Variants in RTL4 observed in about 807,000 individuals in gnomAD.
RTL4 encodes the protein retrotransposon Gag-like protein 4.
In RTL4, 4 loss-of-function variants were observed where a neutral mutation model predicts 5.3. The observed-to-expected ratio is 0.75, with a 90% CI of 0.37 to 1.72. The LOEUF is 1.72. RTL4 is among the 40% of genes most tolerant of loss of function. The probability of loss-of-function intolerance (pLI) is 0.04; values close to 1 mark genes in which losing one functional copy is unlikely to be tolerated. For missense variants in RTL4, 260 were observed against 227.1 expected, an observed-to-expected ratio of 1.14 and a Z score of -0.93; for synonymous variants, 98 against 87.3, an observed-to-expected ratio of 1.12 and a Z score of -0.68.
chrX:112,365,213 A>G, the RTL4 span, among the ~76,000 whole-genome samples: 8 of 111,454 alleles, frequency 7.2e-5, no homozygotes, highest in South Asian at 1.5e-3. Flanking sequence ...AACAGCATGT[A>G]CAAAAGTCCA....
the RTL4 span, among the ~76,000 whole-genome samples, chrX:112,420,200 G>C: frequency 1.8e-5 from 2 of 111,576 alleles, no homozygotes; most frequent in African/African-American, 6.5e-5. Context: ...CAGTGAAACA[G>C]TTAGTAGGTT....
At chrX:112,387,672 T>C in the RTL4 span, among the ~76,000 whole-genome samples, 2 of 111,627 alleles carry the variant, frequency 1.8e-5, no homozygotes, top group Admixed American at 9.5e-5. Flanking sequence ...GAATAAGGAG[T>C]CTTTTCCCCA....
the RTL4 span, among the ~76,000 whole-genome samples, chrX:112,415,148 C>T: frequency 9.0e-6 from 1 of 111,421 alleles, no homozygotes; most frequent in African/African-American, 3.2e-5. Flanking sequence ...AAAATGAACA[C>T]ACTCATATAA....
At chrX:112,160,298 C>T in the RTL4 span, among the ~76,000 whole-genome samples, 3 of 111,760 alleles carry the variant, frequency 2.7e-5, no homozygotes, top group African/African-American at 9.8e-5. Flanking sequence ...GAGGTTTGAG[C>T]CTTCAAGGAA....
At chrX:112,356,453 A>G in the RTL4 span, among the ~76,000 whole-genome samples, 1 of 111,422 alleles carries the variant, frequency 9.0e-6, no homozygotes, top group Non-Finnish European at 1.9e-5. Flanking sequence ...AATCACAAAA[A>G]ACGATTGTAA....
chrX:112,272,139 C>G, the RTL4 span, among the ~76,000 whole-genome samples: 1 of 111,679 alleles, frequency 9.0e-6, no homozygotes, highest in Non-Finnish European at 1.9e-5. Flanking sequence ...ATTTATCCTG[C>G]GTGCATAACT....
upstream of RTL4, among the ~76,000 whole-genome samples, chrX:112,453,750 G>A (rs1481660423): frequency 8.9e-6 from 1 of 112,170 alleles, no homozygotes; most frequent in Admixed American, 9.5e-5. Flanking sequence ...TCTTATTAAA[G>A]TGTGAAAAAT....
chrX:112,438,977 GTAAGCTTTAAAATAA>G, the RTL4 span, among the ~76,000 whole-genome samples: 1 of 111,835 alleles, frequency 8.9e-6, no homozygotes, highest in Non-Finnish European at 1.9e-5. Flanking sequence ...GTCGAAGCTA[GTAAGCTTTAAAATAA>G]TAAACTCTGG....
the RTL4 span, among the ~76,000 whole-genome samples, chrX:112,112,362 G>T: frequency 9.0e-5 from 10 of 111,731 alleles, no homozygotes; most frequent in African/African-American, 3.3e-4. Context: ...TGCCCTCTGG[G>T]TCTCCTTGAT....
At chrX:112,419,039 T>G in the RTL4 span, among the ~76,000 whole-genome samples, 33 of 101,185 alleles carry the variant, frequency 3.3e-4, no homozygotes, top group African/African-American at 1.2e-3. Context: ...AAGATATATA[T>G]ATATATATAT....
the RTL4 span, among the ~76,000 whole-genome samples, chrX:112,421,486 T>C: frequency 1.8e-5 from 2 of 112,077 alleles, no homozygotes; most frequent in Non-Finnish European, 3.8e-5. Context: ...AGAAAACTGT[T>C]CTGGTTCTTT....
At chrX:112,271,116 G>C in the RTL4 span, among the ~76,000 whole-genome samples, 1 of 108,547 alleles carries the variant, frequency 9.2e-6, no homozygotes, top group Non-Finnish European at 1.9e-5. Flanking sequence ...GGGTTTGCAG[G>C]AAAGAGATAA....
chrX:112,247,142 C>A, the RTL4 span, among the ~76,000 whole-genome samples: 4 of 111,698 alleles, frequency 3.6e-5, no homozygotes, highest in African/African-American at 1.3e-4. Flanking sequence ...AAACAAGAAA[C>A]AGTACAAGCA....
At chrX:112,388,627 A>G in the RTL4 span, among the ~76,000 whole-genome samples, 1 of 111,989 alleles carries the variant, frequency 8.9e-6, no homozygotes, top group South Asian at 3.7e-4. Context: ...ATGAAGGGTC[A>G]TTGAATTCTA....
chrX:112,257,873 G>GTATATA, the RTL4 span, among the ~76,000 whole-genome samples: 32 of 102,547 alleles, frequency 3.1e-4, no homozygotes, highest in African/African-American at 1.2e-3. Context: ...TCAAAACTGT[G>GTATATA]TATATATATA....
chrX:112,185,890 A>G, the RTL4 span, among the ~76,000 whole-genome samples: 1 of 111,003 alleles, frequency 9.0e-6, no homozygotes, highest in South Asian at 3.8e-4. Flanking sequence ...ACATTATGCA[A>G]TTGTGGGAGC....
the RTL4 span, among the ~76,000 whole-genome samples, chrX:112,409,699 C>T: frequency 7.1e-5 from 7 of 98,295 alleles, no homozygotes; most frequent in East Asian, 6.5e-4. Context: ...CCAGCCTGGG[C>T]GACAGAGTGA....
the RTL4 span, among the ~76,000 whole-genome samples, chrX:112,403,226 A>G: frequency 2.2e-3 from 246 of 111,538 alleles, 1 homozygote; most frequent in African/African-American, 7.6e-3. Flanking sequence ...TACTTGCCCC[A>G]CCAAATTGGC....
chrX:112,197,059 G>A, the RTL4 span, among the ~76,000 whole-genome samples: 1 of 105,100 alleles, frequency 9.5e-6, no homozygotes, highest in African/African-American at 3.4e-5. Flanking sequence ...GTCTTCTTTT[G>A]GGAATTGCCT....
Sources: gnomAD v4.1 joint callset for allele counts (sites outside exome capture counted in the v4.1 genomes callset) on GRCh38, gnomAD v4.1.1 for gene constraint, MANE v1.5 for transcripts, NCBI Gene and HGNC (gene_info 2026-07-23, HGNC 2026-07-21) for gene names.